The following RELN variants were observed in gnomAD, a reference collection of about 807,000 sequenced individuals.
RELN encodes the protein reelin.
Under a neutral mutation model 427.6 loss-of-function variants are expected in RELN, and 108 were observed. That is an observed-to-expected ratio of 0.25 (90% CI 0.22 to 0.30). The LOEUF (loss-of-function observed/expected upper bound fraction) is 0.30. Ranked by LOEUF, RELN falls within the 10% of genes least tolerant of loss-of-function variation. RELN has a pLI of 1.00. For synonymous variants in RELN, 1,524 were observed against 1,513.4 expected (o/e 1.01, Z -0.16); for missense variants, 3,715 against 4,302.8 (o/e 0.86, Z 3.82).
chr7:103,884,990 C>G (rs1436960207), intron 2 of RELN, among the ~76,000 whole-genome samples: 1 of 152,146 alleles, frequency 6.6e-6, no homozygotes, highest in Non-Finnish European at 1.5e-5. Context: ...ACATATGTTT[C>G]TTGCAGCATT....
At position 103,626,760 on chromosome 7, in the gene RELN, A is replaced by G. The variant is rs117884662; in HGVS notation, c.2702+3180T>C. On this transcript the variant is annotated intron_variant, in intron 20 of 64. Coordinates refer to ENST00000428762, the MANE Select transcript of RELN (RefSeq NM_005045.4). This position sits in a 1 kb window ranked among gnomAD's most constrained non-coding sequence, Gnocchi z 4.4. ...GGAATGTTAATGTTCCCTTGGTATT[A>G]TCACTAATAGTATTAGATGCAATAT... Among the ~76,000 whole-genome samples the G allele has an allele frequency of 4.2e-3, 642 of 152,264 alleles. 27 individuals carry two copies. In the East Asian group the frequency reaches 0.094, roughly 22 times the overall value.
At position 103,565,722 on chromosome 7, in the gene RELN, T is replaced by C. The variant is rs187066309; in HGVS notation, c.4937-171A>G. Among the ~76,000 whole-genome samples the C allele has an allele frequency of 2.8e-3, 426 of 152,326 alleles. 1 individual carries two copies. Among genetic ancestry groups the C allele is most frequent in the Non-Finnish European group, 3.0e-3 (202 of 68,020 alleles). ...ATTTTCTGCTTCTATTTGGTTACCA[T>C]AGATTTAGAAATATAGAAGGCTGCT... On this transcript the variant is annotated intron_variant, in intron 33 of 64. Coordinates refer to ENST00000428762, the MANE Select transcript of RELN (RefSeq NM_005045.4).
chr7:103,889,990 T>C (rs1208021863), intron 2 of RELN, among the ~76,000 whole-genome samples: 2 of 152,084 alleles, frequency 1.3e-5, no homozygotes, highest in Admixed American at 6.5e-5. Flanking sequence ...ACCAAATGAA[T>C]TCTTTTTTCA....
rs1167268531 is a variant in RELN, at chr7:103,917,056, G to A, written c.337+19C>T. 1.2e-5 allele frequency: 19 copies of A among 1,585,854 alleles called. No homozygotes were observed. Among genetic ancestry groups the A allele is most frequent in the Non-Finnish European group, 1.6e-5 (19 of 1,154,512 alleles). The stretch of plus-strand genomic sequence containing the variant: ...TGTATAAAATACCCCCAAATTTCTG[G>A]TTTGTGAGAATAGCTTACCAAATCC... On this transcript the variant is annotated intron_variant, in intron 2 of 64. Transcript: ENST00000428762.
intron 51 of RELN, among the ~76,000 whole-genome samples, chr7:103,508,937 T>C (rs1334451249): frequency 1.3e-5 from 2 of 152,078 alleles, no homozygotes; most frequent in African/African-American, 4.8e-5. Flanking sequence ...ATAATACAAC[T>C]TACAAGGGAT....
intron 3 of RELN, among the ~76,000 whole-genome samples, chr7:103,778,352 G>T (rs537428439): frequency 6.6e-6 from 1 of 152,092 alleles, no homozygotes; most frequent in African/African-American, 2.4e-5. Context: ...CATTTGCTTT[G>T]GAAGGGACAC....
In RELN at chr7:103,909,707, TATA is replaced by T. The variant is rs1563084766; in HGVS notation, c.337+7365_337+7367del. Among the ~76,000 whole-genome samples, 14 of 50,568 alleles carry T rather than the reference TATA, an allele frequency of 2.8e-4. 1 individual carries two copies. The highest frequency in any genetic ancestry group is 1.5e-3 in the Admixed American group (5 of 3,378). 33.2% of individuals were successfully genotyped at this position (50,568 alleles called of 152,430 possible). A position where few individuals can be genotyped will look rare whatever the true frequency, so the allele number is the denominator to read the frequency against. On this transcript the variant is annotated intron_variant, in intron 2 of 64. Coordinates refer to ENST00000428762, the MANE Select transcript of RELN (RefSeq NM_005045.4). ...TTAATAAATATATATATTTAATATA[TATA>T]AATATATATTAAATATATTTTTTAA...
At chr7:103,887,420 T>C (rs571482959) in intron 2 of RELN, among the ~76,000 whole-genome samples, 1 of 152,150 alleles carries the variant, frequency 6.6e-6, no homozygotes, top group Non-Finnish European at 1.5e-5. Context: ...AAAGATGAGT[T>C]GCAGAAGAGA....
chr7:103,795,721 C>A (rs1792283283), intron 3 of RELN, among the ~76,000 whole-genome samples: 1 of 152,074 alleles, frequency 6.6e-6, no homozygotes, highest in Non-Finnish European at 1.5e-5. Context: ...ATTTTAAATT[C>A]CTTTGGAATT....
intron 19 of RELN, among the ~76,000 whole-genome samples, chr7:103,634,733 T>C (rs867570068): frequency 3.6e-4 from 54 of 152,104 alleles, no homozygotes; most frequent in African/African-American, 1.2e-3. Context: ...ATATATATAA[T>C]ATAATTTATT....
chr7:103,495,662 T>C, intron 57 of RELN, 61 bp downstream of exon 57: 2 of 1,478,032 alleles, frequency 1.4e-6, no homozygotes, highest in East Asian at 4.5e-5. Flanking sequence ...TGACTAACCA[T>C]TCTCCCTCGA....
intron 1 of RELN, among the ~76,000 whole-genome samples, chr7:103,961,216 C>A (rs1463289783): frequency 7.2e-5 from 11 of 152,058 alleles, no homozygotes; most frequent in Admixed American, 7.2e-4. Flanking sequence ...TTTCTAGGTC[C>A]TAATGAAAAA....
intron 11 of RELN, among the ~76,000 whole-genome samples, chr7:103,677,119 G>T (rs572654347): frequency 6.6e-6 from 1 of 151,948 alleles, no homozygotes; most frequent in East Asian, 1.9e-4. Context: ...GCAGGGACAC[G>T]GATGAAGCTG....
At chr7:103,902,186 C>T (rs1198898229) in intron 2 of RELN, among the ~76,000 whole-genome samples, 1 of 151,876 alleles carries the variant, frequency 6.6e-6, no homozygotes, top group Non-Finnish European at 1.5e-5. Flanking sequence ...TAGAGCTGGT[C>T]GTTTGTCCCA....
intron 1 of RELN, among the ~76,000 whole-genome samples, chr7:103,952,808 G>C (rs1796359503): frequency 6.6e-6 from 1 of 152,138 alleles, no homozygotes; most frequent in South Asian, 2.1e-4. Flanking sequence ...TAAGGATGCT[G>C]AACAATACAT....
At chr7:103,963,122 T>A (rs929532521) in intron 1 of RELN, among the ~76,000 whole-genome samples, 5 of 119,254 alleles carry the variant, frequency 4.2e-5, no homozygotes, top group African/African-American at 1.7e-4. Context: ...CTCTCTCTCC[T>A]CTTTTCGCCT....
chr7:103,597,763 A>G (rs2249372), intron 24 of RELN, among the ~76,000 whole-genome samples: 114,257 of 152,100 alleles, frequency 0.75, 43,614 homozygotes, highest in African/African-American at 0.89. Context: ...CTGAAATCCA[A>G]GAACTTGCTT....
chr7:103,948,597 C>T (rs559892137), intron 1 of RELN, among the ~76,000 whole-genome samples: 78 of 151,802 alleles, frequency 5.1e-4, no homozygotes, highest in African/African-American at 1.8e-3. Flanking sequence ...TGCTTGAACC[C>T]GGGAGGCGGA....
At chr7:103,985,941 C>T (rs1345886778) in intron 1 of RELN, among the ~76,000 whole-genome samples, 1 of 152,128 alleles carries the variant, frequency 6.6e-6, no homozygotes, top group African/African-American at 2.4e-5. Flanking sequence ...TTCCTATTTC[C>T]CCATCATTTG....
Sources: allele counts gnomAD v4.1 joint callset (sites outside exome capture counted in the v4.1 genomes callset), GRCh38; gene constraint gnomAD v4.1.1; non-coding constraint Gnocchi (gnomAD v3.1); transcripts MANE v1.5; gene names NCBI Gene and HGNC (gene_info 2026-07-23, HGNC 2026-07-21).